Variants in GNG12 observed in about 807,000 individuals in gnomAD.
GNG12 encodes guanine nucleotide-binding protein G(I)/G(S)/G(O) subunit gamma-12.
For synonymous variants in GNG12, 28 were observed against 29.7 expected, an observed-to-expected ratio of 0.94 and a Z score of 0.19; for missense variants, 69 against 83.8, an observed-to-expected ratio of 0.82 and a Z score of 0.69.
chr1:67,770,786 A>ACTTG (rs1201382227), intron 2 of GNG12, among the ~76,000 whole-genome samples: 12 of 151,926 alleles, frequency 7.9e-5, no homozygotes, highest in Non-Finnish European at 1.6e-4. Context: ...TCAGGTAACG[A>ACTTG]CTTGCTGCAC....
At chr1:67,796,135 C>T (rs1476385094) in intron 1 of GNG12, among the ~76,000 whole-genome samples, 1 of 152,112 alleles carries the variant, frequency 6.6e-6, no homozygotes, top group Non-Finnish European at 1.5e-5. Context: ...AAATAAATGC[C>T]CTACTGACAA....
intron 2 of GNG12, among the ~76,000 whole-genome samples, chr1:67,712,845 T>TCC (rs1202502110): frequency 7.3e-6 from 1 of 136,334 alleles, no homozygotes; most frequent in African/African-American, 2.7e-5. Flanking sequence ...TTTTTTTTTT[T>TCC]CCCCTCTTTT....
chr1:67,725,941 T>G (rs1416346309), intron 2 of GNG12, among the ~76,000 whole-genome samples: 1 of 152,170 alleles, frequency 6.6e-6, no homozygotes, highest in Non-Finnish European at 1.5e-5. Context: ...TTACAACAAA[T>G]GAAAAGATGA....
chr1:67,739,098 G>C (rs1646468731), intron 2 of GNG12, among the ~76,000 whole-genome samples: 1 of 152,206 alleles, frequency 6.6e-6, no homozygotes, highest in Non-Finnish European at 1.5e-5. Context: ...AGAATCGCTT[G>C]AACCTAGGAG....
intron 1 of GNG12, among the ~76,000 whole-genome samples, chr1:67,816,071 C>G (rs1448753895): frequency 6.6e-6 from 1 of 152,200 alleles, no homozygotes; most frequent in Non-Finnish European, 1.5e-5. Context: ...GAACCGCTGC[C>G]CTGGTCCCTT....
chr1:67,829,215 T>C (rs530781433), intron 1 of GNG12, among the ~76,000 whole-genome samples: 3 of 152,342 alleles, frequency 2.0e-5, no homozygotes, highest in Non-Finnish European at 4.4e-5. Context: ...GCTGTAATTG[T>C]AATAACACAA....
chr1:67,815,479 AG>A (rs1646948594), intron 1 of GNG12, among the ~76,000 whole-genome samples: 1 of 152,172 alleles, frequency 6.6e-6, no homozygotes, highest in African/African-American at 2.4e-5. Context: ...ACGACTTGCC[AG>A]GACAAGGCCT....
At chr1:67,795,250 A>G (rs755674561) in intron 1 of GNG12, among the ~76,000 whole-genome samples, 2 of 152,164 alleles carry the variant, frequency 1.3e-5, no homozygotes, top group Non-Finnish European at 2.9e-5. Context: ...AGTTAGTTAC[A>G]CTGCACCTTT....
At chr1:67,715,013 A>G (rs549252229) in intron 2 of GNG12, among the ~76,000 whole-genome samples, 1 of 152,182 alleles carries the variant, frequency 6.6e-6, no homozygotes, top group African/African-American at 2.4e-5. Flanking sequence ...GCCTCCACCT[A>G]TTTCAAGCGG....
chr1:67,815,093 C>T (rs1646945975), intron 1 of GNG12, among the ~76,000 whole-genome samples: 1 of 152,132 alleles, frequency 6.6e-6, no homozygotes, highest in South Asian at 2.1e-4. Context: ...ACTTCTAGTT[C>T]TCAAGGGGGA....
At chr1:67,733,646 A>C (rs900673283) in intron 2 of GNG12, among the ~76,000 whole-genome samples, 1 of 152,236 alleles carries the variant, frequency 6.6e-6, no homozygotes, top group Non-Finnish European at 1.5e-5. Flanking sequence ...ACATGAAACA[A>C]TACCTAAAGT....
At chr1:67,783,869 G>A (rs1646751960) in intron 1 of GNG12, among the ~76,000 whole-genome samples, 1 of 150,582 alleles carries the variant, frequency 6.6e-6, no homozygotes, top group Admixed American at 6.6e-5. Context: ...CTGTTGGTGG[G>A]ACTGTAAACT....
At chr1:67,740,981 A>G (rs959824742) in intron 2 of GNG12, among the ~76,000 whole-genome samples, 6 of 152,134 alleles carry the variant, frequency 3.9e-5, no homozygotes, top group Admixed American at 3.3e-4. Context: ...TTATATTTTT[A>G]TCCACTAGTT....
intron 2 of GNG12, among the ~76,000 whole-genome samples, chr1:67,709,901 TTTTTATATAG>T (rs1373604944): frequency 3.6e-4 from 37 of 103,672 alleles, no homozygotes; most frequent in African/African-American, 1.6e-3. Context: ...TATATATATA[TTTTTATATAG>T]TTATATATAT....
intron 2 of GNG12, among the ~76,000 whole-genome samples, chr1:67,776,190 C>T (rs113325881): frequency 1.4e-4 from 22 of 152,230 alleles, no homozygotes; most frequent in African/African-American, 1.9e-4. Context: ...AGATGCCAGA[C>T]GGCTAGAAGT....
chr1:67,830,002 C>CTT (rs35214495), intron 1 of GNG12, among the ~76,000 whole-genome samples: 2,363 of 117,316 alleles, frequency 0.02, 99 homozygotes, highest in African/African-American at 0.055. Context: ...AAGATGGAGG[C>CTT]TTTTTTTTTT....
intron 1 of GNG12, among the ~76,000 whole-genome samples, chr1:67,813,307 C>A (rs552164229): frequency 1.4e-4 from 21 of 152,300 alleles, no homozygotes; most frequent in African/African-American, 4.8e-4. Flanking sequence ...GGTGAAGAAC[C>A]TATCCCCAAA....
At chr1:67,786,983 G>GTA (rs1280697362) in intron 1 of GNG12, among the ~76,000 whole-genome samples, 3 of 114,544 alleles carry the variant, frequency 2.6e-5, no homozygotes, top group Admixed American at 9.1e-5. Flanking sequence ...GTGTGTGTGT[G>GTA]TGTATGTATA....
At chr1:67,764,795 C>T (rs903318261) in intron 2 of GNG12, among the ~76,000 whole-genome samples, 3 of 152,202 alleles carry the variant, frequency 2.0e-5, no homozygotes, top group Non-Finnish European at 4.4e-5. Flanking sequence ...TCTGCTTGTG[C>T]TTTGGAGTTA....
Sources: gnomAD v4.1 joint callset for allele counts (sites outside exome capture counted in the v4.1 genomes callset) on GRCh38, gnomAD v4.1.1 for gene constraint, MANE v1.5 for transcripts, NCBI Gene and HGNC (gene_info 2026-07-23, HGNC 2026-07-21) for gene names.